The following MAF variants were observed in gnomAD, a reference collection of about 807,000 sequenced individuals.
MAF encodes the protein MAF bZIP transcription factor, also known as transcription factor Maf.
A neutral mutation model predicts 22.0 loss-of-function variants in MAF; 10 were observed. That is an observed-to-expected ratio of 0.45 (90% confidence interval 0.28 to 0.77). MAF has a LOEUF of 0.77. Ranked by LOEUF, MAF falls within the 30% of genes least tolerant of loss-of-function variation. MAF has a pLI of 0.12. For missense variants in MAF, 544 were observed against 548.4 expected, an observed-to-expected ratio of 0.99 and a Z score of 0.08; for synonymous variants, 337 against 255.8, an observed-to-expected ratio of 1.32 and a Z score of -3.03.
the MAF span, among the ~76,000 whole-genome samples, chr16:79,384,123 A>G: frequency 1.3e-5 from 2 of 152,118 alleles, no homozygotes; most frequent in Non-Finnish European, 2.9e-5. Flanking sequence ...GGGAGTCAGG[A>G]AAGTATTCTA....
chr16:79,329,533 C>A, the MAF span, among the ~76,000 whole-genome samples: 1 of 151,860 alleles, frequency 6.6e-6, no homozygotes, highest in African/African-American at 2.4e-5. Flanking sequence ...CGTCTAGAGT[C>A]CCCCAAAATT....
chr16:79,283,317 C>A, the MAF span, among the ~76,000 whole-genome samples: 3 of 152,202 alleles, frequency 2.0e-5, no homozygotes, highest in African/African-American at 7.2e-5. Flanking sequence ...GAAACTTCCT[C>A]CCAGTTCACA....
In MAF at chr16:79,598,948, C is replaced by T; in HGVS notation, c.955G>A (p.Glu319Lys). ...ACTTGCTGCAGCAGCTGGTTCTTCT[C>T]CGACTCCAGGACGTGTCTCTGCTGC... ...RVQQRHVLESEKNQLLQQVDH... is the reference protein window; with the variant it reads ...RVQQRHVLESKKNQLLQQVDH... The change falls in exon 1 of 2, where the codon GAG becomes AAG. Residue 319 changes from glutamate to lysine, a missense_variant. Glu to Lys is a moderately conservative substitution (Grantham distance 56). This residue lies in a region of MAF where 129 missense variants were observed against 113.6 expected (regional missense o/e 1.14). Transcript: ENST00000326043. 6.2e-7 allele frequency: 1 copy of T among 1,613,768 alleles called. No individual in the cohort carries two copies. Among genetic ancestry groups the T allele is most frequent in the African/African-American group, 1.3e-5 (1 of 74,952 alleles).
chr16:79,253,098 C>G, the MAF span, among the ~76,000 whole-genome samples: 3 of 152,178 alleles, frequency 2.0e-5, no homozygotes, highest in African/African-American at 7.2e-5. Flanking sequence ...CCTATAATTA[C>G]CCGGTCCTCC....
At chr16:79,240,384 C>A in the MAF span, among the ~76,000 whole-genome samples, 8 of 149,800 alleles carry the variant, frequency 5.3e-5, no homozygotes, top group Admixed American at 4.7e-4. Context: ...AGCCCTACAA[C>A]ACTTCAACTA....
At chr16:79,412,232 T>C in the MAF span, among the ~76,000 whole-genome samples, 3 of 152,310 alleles carry the variant, frequency 2.0e-5, no homozygotes, top group Admixed American at 6.5e-5. Flanking sequence ...AGAGCACAAG[T>C]TCACAACGGT....
At chr16:79,393,031 C>T in the MAF span, among the ~76,000 whole-genome samples, 1 of 152,176 alleles carries the variant, frequency 6.6e-6, no homozygotes, top group Non-Finnish European at 1.5e-5. Flanking sequence ...TTTTTTTTCT[C>T]CTTTCCAGGA....
the MAF span, among the ~76,000 whole-genome samples, chr16:79,487,206 CA>C: frequency 0.47 from 61,497 of 131,588 alleles, 12,590 homozygotes; most frequent in Middle Eastern, 0.56. Context: ...TGAACTAGTG[CA>C]AAAAAAAAAA....
chr16:79,560,710 G>C, the MAF span, among the ~76,000 whole-genome samples: 1 of 152,060 alleles, frequency 6.6e-6, no homozygotes, highest in East Asian at 1.9e-4. Context: ...ACAGGAATGA[G>C]CCTAGAAGTC....
At chr16:79,328,822 T>C in the MAF span, among the ~76,000 whole-genome samples, 5 of 152,316 alleles carry the variant, frequency 3.3e-5, no homozygotes, top group East Asian at 5.8e-4. Context: ...CTCTGTCAGA[T>C]TGAATGCCAG....
the MAF span, among the ~76,000 whole-genome samples, chr16:79,402,491 G>A: frequency 2.6e-5 from 4 of 152,204 alleles, no homozygotes; most frequent in Non-Finnish European, 5.9e-5. Context: ...GCCACAGGGC[G>A]CATTCCTGGA....
the MAF span, among the ~76,000 whole-genome samples, chr16:79,228,564 A>G: frequency 6.6e-6 from 1 of 152,066 alleles, no homozygotes; most frequent in Non-Finnish European, 1.5e-5. Flanking sequence ...CTGATCCCTG[A>G]GCCCCTGCCG....
the MAF span, among the ~76,000 whole-genome samples, chr16:79,253,785 G>A: frequency 6.6e-6 from 1 of 152,068 alleles, no homozygotes; most frequent in East Asian, 1.9e-4. Context: ...CCTGGGATTT[G>A]GGCTATCACA....
chr16:79,385,746 C>T, the MAF span, among the ~76,000 whole-genome samples: 2 of 151,880 alleles, frequency 1.3e-5, no homozygotes, highest in Non-Finnish European at 2.9e-5. Flanking sequence ...ACTAAAAATA[C>T]AAAATTTAGC....
chr16:79,543,432 A>G, the MAF span, among the ~76,000 whole-genome samples: 4 of 152,208 alleles, frequency 2.6e-5, no homozygotes, highest in African/African-American at 9.6e-5. Flanking sequence ...AGAGCCACTT[A>G]CACAAAGAGC....
chr16:79,466,794 C>T, the MAF span, among the ~76,000 whole-genome samples: 2 of 152,166 alleles, frequency 1.3e-5, no homozygotes, highest in Admixed American at 6.5e-5. Context: ...CAACAGACAC[C>T]GGGTATTTAA....
At chr16:79,209,756 C>G in the MAF span, among the ~76,000 whole-genome samples, 1 of 152,200 alleles carries the variant, frequency 6.6e-6, no homozygotes, top group Non-Finnish European at 1.5e-5. Context: ...TCTTTAGAGG[C>G]ACTTCTGCTT....
chr16:79,398,376 T>C, the MAF span, among the ~76,000 whole-genome samples: 2 of 152,334 alleles, frequency 1.3e-5, no homozygotes, highest in East Asian at 3.9e-4. Flanking sequence ...CTGTGACATA[T>C]TCATTAACAG....
chr16:79,478,519 C>T, the MAF span, among the ~76,000 whole-genome samples: 1 of 152,108 alleles, frequency 6.6e-6, no homozygotes, highest in Admixed American at 6.5e-5. Flanking sequence ...TTAGATGTGG[C>T]AATGCTGGGA....
Sources: allele counts gnomAD v4.1 joint callset (sites outside exome capture counted in the v4.1 genomes callset), GRCh38; gene constraint gnomAD v4.1.1; regional missense constraint gnomAD v4.1.1; transcripts MANE v1.5; gene names NCBI Gene and HGNC (gene_info 2026-07-23, HGNC 2026-07-21).